The following OLA1 variants were observed in gnomAD, a reference collection of about 807,000 sequenced individuals.
The protein encoded by OLA1 is Obg like ATPase 1.
OLA1 carries 14 observed loss-of-function variants against 48.4 expected under a neutral mutation model. The ratio of observed to expected loss-of-function variants is 0.29; its 90% CI spans 0.19 to 0.45. The LOEUF is 0.45. Among genes scored for constraint, OLA1 ranks in the 20% least tolerant of loss-of-function variants. The pLI is 1.00. For synonymous variants in OLA1, 127 were observed against 150.4 expected (o/e 0.84, Z 1.14); for missense variants, 325 against 467.1 (o/e 0.70, Z 2.80).
At chr2:174,226,816 T>C (rs1040777533) in intron 3 of OLA1, among the ~76,000 whole-genome samples, 2 of 152,028 alleles carry the variant, frequency 1.3e-5, no homozygotes, top group Non-Finnish European at 2.9e-5. Flanking sequence ...TGTTCTTCAA[T>C]AGAAACAGGC....
chr2:174,144,678 C>G (rs147179508), intron 4 of OLA1, among the ~76,000 whole-genome samples: 298 of 151,600 alleles, frequency 2.0e-3, no homozygotes, highest in Middle Eastern at 0.01. Context: ...TGAGGCCCGG[C>G]ATGGTGGCTC....
At chr2:174,076,332 C>T (rs915632185) in intron 10 of OLA1, among the ~76,000 whole-genome samples, 2 of 152,148 alleles carry the variant, frequency 1.3e-5, no homozygotes, top group Non-Finnish European at 2.9e-5. Flanking sequence ...GGCTCTGCAG[C>T]ACCCACACTT....
At chr2:174,110,786 T>G (rs1478150480) in intron 7 of OLA1, among the ~76,000 whole-genome samples, 2 of 152,138 alleles carry the variant, frequency 1.3e-5, no homozygotes, top group Admixed American at 6.5e-5. Flanking sequence ...GTACCTATAT[T>G]GCTTAGGCTG....
chr2:174,192,487 CACG>C (rs1363426629), intron 4 of OLA1, among the ~76,000 whole-genome samples: 1 of 152,178 alleles, frequency 6.6e-6, no homozygotes, highest in Admixed American at 6.5e-5. Flanking sequence ...TCATATTTCA[CACG>C]ACAACTGCAA....
At chr2:174,124,113 C>T (rs1685986485) in intron 5 of OLA1, among the ~76,000 whole-genome samples, 1 of 152,072 alleles carries the variant, frequency 6.6e-6, no homozygotes, top group Non-Finnish European at 1.5e-5. Context: ...ATCGATGATC[C>T]AGCCTCCAAA....
At chr2:174,229,678 ATTTGAAAC>A (rs1368041511) in intron 2 of OLA1, among the ~76,000 whole-genome samples, 1 of 152,242 alleles carries the variant, frequency 6.6e-6, no homozygotes, top group Non-Finnish European at 1.5e-5. Flanking sequence ...ATCACAGTCT[ATTTGAAAC>A]TTGAAAAGCA....
intron 4 of OLA1, among the ~76,000 whole-genome samples, chr2:174,152,842 A>G (rs1686779012): frequency 6.6e-6 from 1 of 152,228 alleles, no homozygotes; most frequent in Non-Finnish European, 1.5e-5. Context: ...GTCTATTAAA[A>G]TAGATATAAC....
At chr2:174,144,947 A>T (rs1360705128) in intron 4 of OLA1, among the ~76,000 whole-genome samples, 4,873 of 61,552 alleles carry the variant, frequency 0.079, 149 homozygotes, top group Non-Finnish European at 0.11. Context: ...AAAAAAAAAA[A>T]AAAAATATAT....
chr2:174,227,940 G>A (rs1688650905), intron 3 of OLA1, among the ~76,000 whole-genome samples: 2 of 152,322 alleles, frequency 1.3e-5, no homozygotes, highest in Non-Finnish European at 2.9e-5. Flanking sequence ...TCACAAAATT[G>A]CTGATAAGAC....
chr2:174,194,364 A>T (rs1375775692), intron 4 of OLA1, among the ~76,000 whole-genome samples: 1 of 152,114 alleles, frequency 6.6e-6, no homozygotes, highest in Non-Finnish European at 1.5e-5. Flanking sequence ...ATTCTAGCTG[A>T]ACTCTTCTCA....
rs57431404 is a variant in OLA1, at chr2:174,157,014, T to TA, written c.374-15015dup. Among the ~76,000 whole-genome samples the TA allele has an allele frequency of 5.5e-3, 688 of 124,978 alleles. 7 individuals carry two copies. Among genetic ancestry groups the TA allele is most frequent in the African/African-American group, 0.016 (530 of 33,658 alleles). The allele number at this position is 124,978 out of a possible 152,430, so 82.0% of individuals were successfully genotyped here. A position where few individuals can be genotyped will look rare whatever the true frequency, so the allele number is the denominator to read the frequency against. ...GAAATGACATCAAAATGGTCAAATC[T>TA]AAAAAAAAAAAAAAATGAAAGAAAA... On this transcript the variant is annotated intron_variant, in intron 4 of 10. Transcript: ENST00000284719.
intron 7 of OLA1, among the ~76,000 whole-genome samples, chr2:174,119,956 A>AC (rs1558962842): frequency 7.4e-4 from 110 of 149,552 alleles, no homozygotes; most frequent in African/African-American, 2.6e-3. Flanking sequence ...CACACACACA[A>AC]ACACACACAC....
intron 4 of OLA1, among the ~76,000 whole-genome samples, chr2:174,190,486 G>A (rs1362070260): frequency 6.6e-6 from 1 of 151,720 alleles, no homozygotes; most frequent in Non-Finnish European, 1.5e-5. Flanking sequence ...AAAATACACA[G>A]ACCTATTTCC....
chr2:174,102,371 G>A (rs999936316), intron 7 of OLA1, among the ~76,000 whole-genome samples: 1 of 151,836 alleles, frequency 6.6e-6, no homozygotes, highest in African/African-American at 2.4e-5. Context: ...CTAATCCCTA[G>A]GGAAGAGTCA....
At chr2:174,227,144 C>T (rs1042588880) in intron 3 of OLA1, among the ~76,000 whole-genome samples, 1 of 151,952 alleles carries the variant, frequency 6.6e-6, no homozygotes, top group Admixed American at 6.6e-5. Context: ...GTAGTTCATG[C>T]CTGTAATCCC....
At chr2:174,158,299 C>G (rs1404611393) in intron 4 of OLA1, among the ~76,000 whole-genome samples, 1 of 152,104 alleles carries the variant, frequency 6.6e-6, no homozygotes, top group South Asian at 2.1e-4. Context: ...TTTCATTCAC[C>G]TAGAAATACA....
intron 5 of OLA1, among the ~76,000 whole-genome samples, chr2:174,140,369 C>T (rs996272533): frequency 4.9e-5 from 7 of 144,098 alleles, no homozygotes; most frequent in East Asian, 2.0e-4. Flanking sequence ...CTTTTTCTTT[C>T]TTTTTTTTTT....
intron 4 of OLA1, among the ~76,000 whole-genome samples, chr2:174,171,697 G>T (rs1180261438): frequency 6.6e-6 from 1 of 152,212 alleles, no homozygotes; most frequent in Non-Finnish European, 1.5e-5. Context: ...CTCACCCTAA[G>T]AAATTAGAGA....
rs200243209 is a variant in OLA1, at chr2:174,241,401, C to CT, written c.101+5313dup. On this transcript the variant is annotated intron_variant, in intron 2 of 10. Coordinates refer to ENST00000284719, the MANE Select transcript of OLA1 (RefSeq NM_013341.5). ...GGTGATAATTCTCTTGTGATTTTTT[C>CT]TTTTTTTTAGCATTTTCTACAACCT... 2.2e-4 allele frequency among the ~76,000 whole-genome samples: 34 copies of CT among 152,100 alleles called. 1 individual carries two copies. The East Asian group carries it at 4.4e-3, about 20-fold the overall frequency.
Sources: allele counts gnomAD v4.1 joint callset (sites outside exome capture counted in the v4.1 genomes callset), GRCh38; gene constraint gnomAD v4.1.1; transcripts MANE v1.5; gene names NCBI Gene and HGNC (gene_info 2026-07-23, HGNC 2026-07-21).